The following ANO2 variants were observed in gnomAD, a reference collection of about 807,000 sequenced individuals.
The protein encoded by ANO2 is anoctamin 2, also known as anoctamin-2.
Under a neutral mutation model 124.2 loss-of-function variants are expected in ANO2, and 101 were observed. That is an observed-to-expected ratio of 0.81 (90% confidence interval 0.69 to 0.96). The LOEUF is 0.96. Ranked by LOEUF, ANO2 falls within the 40% of genes least tolerant of loss-of-function variation. The pLI is 0.00. For missense variants in ANO2, 1,293 were observed against 1,274.5 expected (o/e 1.01, Z -0.22); for synonymous variants, 486 against 482.5 (o/e 1.01, Z -0.09).
intron 4 of ANO2, among the ~76,000 whole-genome samples, chr12:5,850,046 C>A (rs932476639): frequency 5.3e-5 from 8 of 152,146 alleles, no homozygotes; most frequent in Non-Finnish European, 1.2e-4. Context: ...ACCCAGCATA[C>A]CAAGTTATAT....
intron 14 of ANO2, among the ~76,000 whole-genome samples, chr12:5,678,405 G>A (rs569267038): frequency 2.6e-5 from 4 of 152,306 alleles, no homozygotes; most frequent in African/African-American, 7.2e-5. Flanking sequence ...TCCTCAGGGC[G>A]CCAACTGGGT....
chr12:5,705,136 GT>G (rs1949559476), intron 14 of ANO2, among the ~76,000 whole-genome samples: 1 of 152,172 alleles, frequency 6.6e-6, no homozygotes, highest in Non-Finnish European at 1.5e-5. Context: ...TATAGGATAT[GT>G]TTTATGGGGA....
chr12:5,939,213 CAAA>C (rs34787622), intron 1 of ANO2, among the ~76,000 whole-genome samples: 10 of 86,194 alleles, frequency 1.2e-4, no homozygotes, highest in African/African-American at 4.0e-4. Flanking sequence ...AAGACTCCAA[CAAA>C]AAAAAAAAAA....
intron 14 of ANO2, among the ~76,000 whole-genome samples, chr12:5,670,205 G>C (rs1276429411): frequency 2.0e-5 from 3 of 152,218 alleles, no homozygotes; most frequent in African/African-American, 7.2e-5. Context: ...CCATAAGGCA[G>C]TGAGAAATAT....
intron 20 of ANO2, among the ~76,000 whole-genome samples, chr12:5,590,718 C>T (rs1463799460): frequency 2.0e-5 from 3 of 152,144 alleles, no homozygotes; most frequent in Non-Finnish European, 4.4e-5. Flanking sequence ...GCTGGTCAAC[C>T]GGAAGCAGCA....
intron 9 of ANO2, among the ~76,000 whole-genome samples, chr12:5,802,671 C>T (rs747276149): frequency 9.2e-5 from 14 of 152,316 alleles, no homozygotes; most frequent in Non-Finnish European, 1.6e-4. Context: ...AGCACAGACA[C>T]GTAACAATCC....
At chr12:5,868,407 C>T (rs1015215178) in intron 3 of ANO2, among the ~76,000 whole-genome samples, 11 of 151,990 alleles carry the variant, frequency 7.2e-5, no homozygotes, top group African/African-American at 2.7e-4. Context: ...TGAGTCTCAG[C>T]CTCCTTTCTG....
intron 3 of ANO2, among the ~76,000 whole-genome samples, chr12:5,873,754 T>A (rs895909684): frequency 6.6e-6 from 1 of 152,198 alleles, no homozygotes; most frequent in African/African-American, 2.4e-5. Flanking sequence ...ACATTCAGCA[T>A]TGAAAGAAGC....
chr12:5,734,151 C>T (rs1455129344), intron 13 of ANO2, among the ~76,000 whole-genome samples: 1 of 152,206 alleles, frequency 6.6e-6, no homozygotes, highest in Non-Finnish European at 1.5e-5. Flanking sequence ...AACACTAGAA[C>T]GTATCGACTT....
intron 11 of ANO2, among the ~76,000 whole-genome samples, chr12:5,748,530 T>C (rs940991120): frequency 6.6e-6 from 1 of 152,156 alleles, no homozygotes; most frequent in African/African-American, 2.4e-5. Flanking sequence ...CTGACAACTA[T>C]TAGTTGTTGA....
intron 16 of ANO2, among the ~76,000 whole-genome samples, chr12:5,626,057 T>C (rs1385300541): frequency 6.6e-6 from 1 of 152,204 alleles, no homozygotes; most frequent in Non-Finnish European, 1.5e-5. Flanking sequence ...TTGTTTCCAC[T>C]TCCTTAGTAA....
intron 14 of ANO2, among the ~76,000 whole-genome samples, chr12:5,706,142 C>T (rs191186469): frequency 4.1e-4 from 63 of 152,290 alleles, no homozygotes; most frequent in African/African-American, 1.4e-3. Flanking sequence ...CCTAACTTCC[C>T]GCTTCACAAA....
intron 14 of ANO2, among the ~76,000 whole-genome samples, chr12:5,732,077 C>T (rs559353337): frequency 8.5e-4 from 130 of 152,216 alleles, no homozygotes; most frequent in Non-Finnish European, 1.5e-3. Context: ...TTTTCATGAG[C>T]CTTCATTTAC....
At chr12:5,676,964 G>T (rs1222940612) in intron 14 of ANO2, among the ~76,000 whole-genome samples, 2 of 152,158 alleles carry the variant, frequency 1.3e-5, no homozygotes, top group Non-Finnish European at 1.5e-5. Flanking sequence ...TGAGACAGGA[G>T]AATCACTTGA....
chr12:5,776,887 A>G (rs1398473959), intron 10 of ANO2, among the ~76,000 whole-genome samples: 2 of 152,192 alleles, frequency 1.3e-5, no homozygotes, highest in African/African-American at 2.4e-5. Flanking sequence ...GGGCAGAACA[A>G]TGCCATAACC....
intron 6 of ANO2, 46 bp from the exon 7 acceptor site, chr12:5,827,866 G>A (rs922072508): frequency 5.1e-6 from 8 of 1,577,196 alleles, no homozygotes; most frequent in Non-Finnish European, 6.9e-6. Flanking sequence ...GTTCCCCCCC[G>A]CCCTCCACCG....
In ANO2 at chr12:5,673,787, A is replaced by G. The variant is rs140194643; in HGVS notation, c.1546-25986T>C. 5.1e-3 allele frequency among the ~76,000 whole-genome samples: 771 copies of G among 152,346 alleles called. 8 individuals are homozygous for G. Among genetic ancestry groups the G allele is most frequent in the African/African-American group, 0.017 (720 of 41,582 alleles). On this transcript the variant is annotated intron_variant, in intron 14 of 24. Transcript: ENST00000682330. ...CTATTCTCCTGCCAGAGAAGCAGAA[A>G]CAACAGCTTCCTTTGTATTCAGTAT... is the stretch of plus-strand genomic sequence containing the variant.
Position 5,786,468 on chromosome 12 carries a change from C to T in ANO2, c.1055+13039G>A, listed in dbSNP as rs888322931. 3.3e-5 allele frequency among the ~76,000 whole-genome samples: 5 copies of T among 152,124 alleles called. No homozygotes were observed. The East Asian group carries it at 9.6e-4, about 29-fold the overall frequency. On this transcript the variant is annotated intron_variant, in intron 10 of 24. Coordinates refer to ENST00000682330, the MANE Select transcript of ANO2 (RefSeq NM_001364791.2). ...GGCCTCAGACATGATATCCCTGTCC[C>T]CTTGCCTCCTTAGCTCTATTGGAGG... is the stretch of plus-strand genomic sequence containing the variant.
intron 7 of ANO2, among the ~76,000 whole-genome samples, chr12:5,811,708 A>G (rs886461292): frequency 1.3e-5 from 2 of 152,128 alleles, no homozygotes; most frequent in African/African-American, 4.8e-5. Context: ...TTCAATAGTA[A>G]AGTCAACTCC....
Sources: gnomAD v4.1 joint callset for allele counts (sites outside exome capture counted in the v4.1 genomes callset) on GRCh38, gnomAD v4.1.1 for gene constraint, MANE v1.5 for transcripts, NCBI Gene and HGNC (gene_info 2026-07-23, HGNC 2026-07-21) for gene names.